The following PRMT7 variants were observed in gnomAD, a reference collection of about 807,000 sequenced individuals.
PRMT7 encodes protein arginine N-methyltransferase 7.
A neutral mutation model predicts 85.4 loss-of-function variants in PRMT7; 75 were observed. That is an observed-to-expected ratio of 0.88 (90% CI 0.73 to 1.06). The LOEUF is 1.06. Ranked by LOEUF, PRMT7 falls within the 50% of genes least tolerant of loss-of-function variation. PRMT7 has a pLI of 0.00. For synonymous variants in PRMT7, 397 were observed against 359.5 expected, an observed-to-expected ratio of 1.10 and a Z score of -1.18; for missense variants, 868 against 915.2, an observed-to-expected ratio of 0.95 and a Z score of 0.67.
Position 68,312,229 on chromosome 16 carries a change from A to ATTTTTTT in PRMT7, c.-84+58_-84+64dup, listed in dbSNP as rs56086089. On this transcript the variant is annotated intron_variant, in intron 2 of 18. Coordinates refer to ENST00000441236, the MANE Select transcript of PRMT7 (RefSeq NM_019023.5). Reference sequence around the variant, plus strand: ...TTTATATATATATATATATATATATATTTTTTTTTTTAAGACAGGGTCTCA... The same window carrying ATTTTTTT: ...TTTATATATATATATATATATATATATTTTTTTTTTTTTTTTTTAAGACAGGGTCTCA... 6.2e-3 allele frequency: 702 copies of ATTTTTTT among 112,646 alleles called. 7 individuals carry two copies. Among genetic ancestry groups the ATTTTTTT allele is most frequent in the African/African-American group, 0.024 (640 of 26,898 alleles). The allele number at this position is 112,646 out of a possible 1,614,324, so 7.0% of individuals were successfully genotyped here.
intron 3 of PRMT7, among the ~76,000 whole-genome samples, chr16:68,319,730 G>GTGTGTGTGTGTGTGTC (rs763273871): frequency 6.6e-6 from 1 of 151,396 alleles, no homozygotes; most frequent in Non-Finnish European, 1.5e-5. Context: ...GTGTGTGTGT[G>GTGTGTGTGTGTGTGTC]TGTGTGTGTG....
intron 3 of PRMT7, among the ~76,000 whole-genome samples, chr16:68,319,613 CCTT>C (rs1454795626): frequency 6.6e-6 from 1 of 151,912 alleles, no homozygotes; most frequent in Non-Finnish European, 1.5e-5. Context: ...AAAAGAACCC[CCTT>C]CTTTCAGTGC....
In PRMT7 at chr16:68,311,069, G is replaced by T. The variant is rs1391663462; in HGVS notation, c.-249G>T. The T allele has an allele frequency of 1.3e-6, 1 of 773,086 alleles. No individual in the cohort carries two copies. Among genetic ancestry groups the T allele is most frequent in the South Asian group, 1.5e-5 (1 of 67,962 alleles). The allele number at this position is 773,086 out of a possible 1,614,324, so 47.9% of individuals were successfully genotyped here. The stretch of plus-strand genomic sequence containing the variant: ...GCTGGCCGCGGTAAAAGTGGTAGCA[G>T]CGGAGGCGAGCGGAGGGTTTCCCGC... On this transcript the variant is annotated 5_prime_UTR_variant, in exon 1 of 19. Coordinates refer to ENST00000441236, the MANE Select transcript of PRMT7 (RefSeq NM_019023.5).
chr16:68,353,245 G>C, intron 15 of PRMT7: 1 of 673,420 alleles, frequency 1.5e-6, no homozygotes. Flanking sequence ...GCAGCCCCCA[G>C]CCTAGGAGCT....
At chr16:68,339,620 A>AT (rs1403599575) in intron 8 of PRMT7, 57 bp downstream of exon 8, 23 of 1,605,600 alleles carry the variant, frequency 1.4e-5, no homozygotes, top group Non-Finnish European at 8.5e-6. Context: ...GAAGTTGGGT[A>AT]TTAGGAGGTT....
rs1028076081 is a variant in PRMT7, at chr16:68,346,348, C to T, written c.1191+68C>T. On this transcript the variant is annotated intron_variant, in intron 11 of 18. Transcript: ENST00000441236. ...AAGAAGTTTGTCCCATGAACCCCAGCACTTTGCTTATGATTTGCTGTTTCT... is the reference window on the plus strand; with the variant it reads ...AAGAAGTTTGTCCCATGAACCCCAGTACTTTGCTTATGATTTGCTGTTTCT... 34 of 1,597,980 alleles carry T rather than the reference C, an allele frequency of 2.1e-5. No individual in the cohort carries two copies. The African/African-American group carries it at 3.3e-4, about 16-fold the overall frequency.
chr16:68,347,138 C>A, intron 11 of PRMT7, 73 bp from the exon 12 acceptor site: 1 of 1,419,874 alleles, frequency 7.0e-7, no homozygotes, highest in Non-Finnish European at 9.7e-7. Context: ...GGAAGTATTT[C>A]TGACAGCTTG....
intron 3 of PRMT7, among the ~76,000 whole-genome samples, chr16:68,316,636 A>G (rs2081896846): frequency 6.6e-6 from 1 of 152,036 alleles, no homozygotes; most frequent in Non-Finnish European, 1.5e-5. Flanking sequence ...ATGGTGGCTC[A>G]TGCCTGTAAT....
chr16:68,345,783 T>C lies in PRMT7; in HGVS notation c.1036T>C (p.Tyr346His). Residue 346 changes from tyrosine to histidine, a missense_variant, in exon 10 of 19, where the codon TAC becomes CAC. Coordinates refer to ENST00000441236, the MANE Select transcript of PRMT7 (RefSeq NM_019023.5). ...VAHHDDYCVW[Y>H]SLQRTSPEKN... ...CCACCACGATGACTACTGCGTATGG[T>C]ACAGCCTGCAGAGGACCAGGTACGT... 1 of 1,614,116 alleles carries C rather than the reference T, an allele frequency of 6.2e-7. No homozygotes were observed. Among genetic ancestry groups the C allele is most frequent in the Non-Finnish European group, 8.5e-7 (1 of 1,180,020 alleles).
chr16:68,344,969 T>C (rs964118427), intron 9 of PRMT7, among the ~76,000 whole-genome samples: 1 of 10,358 alleles, frequency 9.7e-5, no homozygotes, highest in Non-Finnish European at 1.6e-4. Flanking sequence ...GGCATGCACA[T>C]TTTTTTTTTT....
At position 68,347,357 on chromosome 16, in the gene PRMT7, C is replaced by T; in HGVS notation, c.1275+63C>T. Reference sequence around the variant, plus strand: ...CTTGTGAGTTAGAGCATTGCGTGGTCCGGGTGCACAATTCTGTGATCAAGG... The same window carrying T: ...CTTGTGAGTTAGAGCATTGCGTGGTTCGGGTGCACAATTCTGTGATCAAGG... On this transcript the variant is annotated intron_variant, in intron 12 of 18. Transcript: ENST00000441236. 2.8e-6 allele frequency: 4 copies of T among 1,445,088 alleles called. No individual in the cohort carries two copies. In the South Asian group the frequency reaches 5.2e-5, roughly 19 times the overall value. The allele number at this position is 1,445,088 out of a possible 1,614,324, so 89.5% of individuals were successfully genotyped here.
chr16:68,331,546 C>T (rs774200643), intron 6 of PRMT7, among the ~76,000 whole-genome samples: 1 of 149,820 alleles, frequency 6.7e-6, no homozygotes, highest in Non-Finnish European at 1.5e-5. Flanking sequence ...TGGCTTATTG[C>T]AGCTTTGACC....
chr16:68,349,552 G>A (rs1326779451), intron 14 of PRMT7, among the ~76,000 whole-genome samples: 2 of 152,076 alleles, frequency 1.3e-5, no homozygotes, highest in African/African-American at 4.8e-5. Context: ...ACAGTTGAGT[G>A]ATTTTTTTAA....
chr16:68,337,709 G>GA (rs397787571), intron 7 of PRMT7, 138 bp downstream of exon 7: 6 of 451,798 alleles, frequency 1.3e-5, no homozygotes, highest in African/African-American at 1.2e-4. Flanking sequence ...TTCCTGGGGG[G>GA]GCTCTGGTTC....
At chr16:68,326,537 C>T (rs1343730252) in intron 5 of PRMT7, among the ~76,000 whole-genome samples, 2 of 152,164 alleles carry the variant, frequency 1.3e-5, no homozygotes, top group Non-Finnish European at 2.9e-5. Context: ...TGAATCACTG[C>T]GCCCTGCCTT....
At chr16:68,356,354 G>A (rs1390465000) in intron 17 of PRMT7, among the ~76,000 whole-genome samples, 7 of 152,328 alleles carry the variant, frequency 4.6e-5, no homozygotes, top group South Asian at 2.1e-4. Flanking sequence ...CAGGGCGGGC[G>A]CCATCACCTG....
intron 6 of PRMT7, among the ~76,000 whole-genome samples, chr16:68,330,232 C>T (rs1001075400): frequency 2.6e-5 from 4 of 152,120 alleles, no homozygotes; most frequent in Non-Finnish European, 5.9e-5. Flanking sequence ...TTGTTTCAGT[C>T]TTTGAAAATT....
At position 68,329,149 on chromosome 16, in the gene PRMT7, T is replaced by C. The variant is rs777988327; in HGVS notation, c.366T>C (p.His122=). Residue 122 remains histidine (H), a synonymous_variant, in exon 6 of 19, where the codon CAT becomes CAC. Coordinates refer to ENST00000441236, the MANE Select transcript of PRMT7 (RefSeq NM_019023.5). The part of the protein sequence containing the change: ...FSDKIKVINK[H]STEVTVGPEG... ...ATAAGATTAAGGTTATCAACAAGCA[T>C]TCCACCGAGGTGACTGTAGGTCCAG... The C allele has an allele frequency of 6.2e-7, 1 of 1,605,112 alleles. No individual in the cohort carries two copies. The highest frequency in any genetic ancestry group is 1.1e-5 in the South Asian group (1 of 90,862).
chr16:68,313,232 TC>T (rs1028610801), intron 2 of PRMT7, among the ~76,000 whole-genome samples: 59 of 152,246 alleles, frequency 3.9e-4, no homozygotes, highest in African/African-American at 1.3e-3. Context: ...GTTTTTTTTT[TC>T]CTCCAGTTCA....
Sources: gnomAD v4.1 joint callset for allele counts (sites outside exome capture counted in the v4.1 genomes callset) on GRCh38, gnomAD v4.1.1 for gene constraint, MANE v1.5 for transcripts, NCBI Gene and HGNC (gene_info 2026-07-23, HGNC 2026-07-21) for gene names.